The following GRIN2A variants were observed in gnomAD, a reference collection of about 807,000 sequenced individuals.
GRIN2A encodes the protein glutamate receptor ionotropic, NMDA 2A.
Under a neutral mutation model 113.4 loss-of-function variants are expected in GRIN2A, and 22 were observed. That is an observed-to-expected ratio of 0.19 (90% CI 0.14 to 0.28). The LOEUF is 0.28. Among genes scored for constraint, GRIN2A ranks in the 10% least tolerant of loss-of-function variants. The pLI is 1.00. For missense variants in GRIN2A, 1,502 were observed against 1,887.0 expected (o/e 0.80, Z 3.78); for synonymous variants, 827 against 738.4 (o/e 1.12, Z -1.94).
intron 3 of GRIN2A, among the ~76,000 whole-genome samples, chr16:9,892,933 G>GAAAAAA (rs57666918): frequency 2.1e-5 from 2 of 96,546 alleles, no homozygotes; most frequent in Non-Finnish European, 4.5e-5. Flanking sequence ...GCTAAAAAGT[G>GAAAAAA]AAAAAAAAAA....
chr16:10,132,258 G>A (rs968904366), intron 2 of GRIN2A, among the ~76,000 whole-genome samples: 2 of 150,088 alleles, frequency 1.3e-5, no homozygotes, highest in African/African-American at 4.9e-5. Context: ...CTTGAACCCG[G>A]GAGGCAGAGG....
At position 10,068,048 on chromosome 16, in the gene GRIN2A, T is replaced by A. The variant is rs28493491; in HGVS notation, c.414+111950A>T. On this transcript the variant is annotated intron_variant, in intron 2 of 12. Coordinates refer to ENST00000330684, the MANE Select transcript of GRIN2A (RefSeq NM_001134407.3). Reference sequence around the variant, plus strand: ...AAAGCCATCTGTGGGATAGATGAGATGAGATGGCAGATGTGCAATGCACAT... The same window carrying A: ...AAAGCCATCTGTGGGATAGATGAGAAGAGATGGCAGATGTGCAATGCACAT... 4.2e-3 allele frequency among the ~76,000 whole-genome samples: 644 copies of A among 152,324 alleles called. 5 individuals are homozygous for A. Among genetic ancestry groups the A allele is most frequent in the African/African-American group, 0.014 (591 of 41,572 alleles).
At chr16:10,144,863 G>A (rs1015602584) in intron 2 of GRIN2A, among the ~76,000 whole-genome samples, 1 of 144,720 alleles carries the variant, frequency 6.9e-6, no homozygotes, top group Non-Finnish European at 1.5e-5. Context: ...GGAGACTGCA[G>A]TGAGCTGAGA....
At chr16:9,884,486 T>G (rs1313758616) in intron 4 of GRIN2A, among the ~76,000 whole-genome samples, 1 of 151,894 alleles carries the variant, frequency 6.6e-6, no homozygotes, top group East Asian at 1.9e-4. Flanking sequence ...GAGGCAGAGG[T>G]TGCAGTGAGC....
intron 3 of GRIN2A, among the ~76,000 whole-genome samples, chr16:9,898,805 T>G (rs1179930788): frequency 6.6e-6 from 1 of 151,944 alleles, no homozygotes; most frequent in Non-Finnish European, 1.5e-5. Flanking sequence ...TTTTTTGTTT[T>G]TTTTTTTTCT....
chr16:10,006,666 G>A (rs750565795), intron 2 of GRIN2A, among the ~76,000 whole-genome samples: 5 of 151,780 alleles, frequency 3.3e-5, no homozygotes, highest in East Asian at 1.9e-4. Context: ...TAAAATGTAC[G>A]ACAAATTATT....
intron 3 of GRIN2A, among the ~76,000 whole-genome samples, chr16:9,922,312 T>TAA (rs879272888): frequency 2.8e-5 from 4 of 143,574 alleles, no homozygotes; most frequent in African/African-American, 1.0e-4. Context: ...TCTGCAGATT[T>TAA]AAAAAAAAAA....
intron 3 of GRIN2A, among the ~76,000 whole-genome samples, chr16:9,931,937 T>C (rs895063711): frequency 1.3e-5 from 2 of 152,228 alleles, no homozygotes; most frequent in Non-Finnish European, 2.9e-5. Context: ...CACCTGGGTC[T>C]ATATGCTTGA....
chr16:10,059,776 A>G (rs1385638353), intron 2 of GRIN2A, among the ~76,000 whole-genome samples: 11 of 152,014 alleles, frequency 7.2e-5, no homozygotes, highest in Non-Finnish European at 1.5e-4. Context: ...GGTAAGAGGT[A>G]AGTGAAGAGA....
intron 8 of GRIN2A, among the ~76,000 whole-genome samples, chr16:9,833,490 A>G (rs1371671433): frequency 6.6e-6 from 1 of 152,182 alleles, no homozygotes; most frequent in East Asian, 1.9e-4. Context: ...AGCATTTGAC[A>G]AGCATTTTTT....
intron 10 of GRIN2A, among the ~76,000 whole-genome samples, chr16:9,799,860 C>A (rs79926621): frequency 0.017 from 2,641 of 152,154 alleles, 81 homozygotes; most frequent in African/African-American, 0.06. Context: ...CTTGAAATCA[C>A]CATGCAGTTC....
chr16:10,117,487 T>G (rs181591645), intron 2 of GRIN2A, among the ~76,000 whole-genome samples: 1 of 151,102 alleles, frequency 6.6e-6, no homozygotes, highest in African/African-American at 2.4e-5. Context: ...TACCTCTATT[T>G]TCATGCATTT....
intron 2 of GRIN2A, among the ~76,000 whole-genome samples, chr16:9,965,029 A>C (rs996747376): frequency 6.6e-6 from 1 of 152,082 alleles, no homozygotes; most frequent in African/African-American, 2.4e-5. Flanking sequence ...TGGACCAATA[A>C]GCATGCAAAT....
At chr16:9,891,170 C>T (rs1253655306) in intron 3 of GRIN2A, 70 bp from the exon 4 acceptor site, 6 of 872,028 alleles carry the variant, frequency 6.9e-6, no homozygotes, top group African/African-American at 4.9e-5. Context: ...TAAGTGGATG[C>T]CACCATTAAT....
chr16:9,979,628 T>C (rs1046392857), intron 2 of GRIN2A, among the ~76,000 whole-genome samples: 2 of 152,080 alleles, frequency 1.3e-5, no homozygotes, highest in Non-Finnish European at 1.5e-5. Flanking sequence ...TGTGTATTGA[T>C]GTCTCCCTAT....
intron 4 of GRIN2A, among the ~76,000 whole-genome samples, chr16:9,879,002 G>C (rs561411698): frequency 6.6e-6 from 1 of 152,246 alleles, no homozygotes; most frequent in East Asian, 1.9e-4. Context: ...TACTGTGTGA[G>C]TATTTAAAAT....
At chr16:9,962,202 T>G (rs923168815) in intron 2 of GRIN2A, among the ~76,000 whole-genome samples, 5 of 152,044 alleles carry the variant, frequency 3.3e-5, no homozygotes, top group South Asian at 2.1e-4. Flanking sequence ...ATAGGCATGG[T>G]CAAGGACTTC....
At chr16:10,056,596 T>A (rs1354786170) in intron 2 of GRIN2A, among the ~76,000 whole-genome samples, 1 of 152,154 alleles carries the variant, frequency 6.6e-6, no homozygotes, top group Non-Finnish European at 1.5e-5. Context: ...ATCAACTAAA[T>A]TAATATGAGG....
chr16:10,129,689 A>G (rs1596536395), intron 2 of GRIN2A, among the ~76,000 whole-genome samples: 1 of 152,244 alleles, frequency 6.6e-6, no homozygotes, highest in East Asian at 1.9e-4. Flanking sequence ...GCAGGAGATT[A>G]TGGTGCTCCT....
Sources: gnomAD v4.1 joint callset for allele counts (sites outside exome capture counted in the v4.1 genomes callset) on GRCh38, gnomAD v4.1.1 for gene constraint, MANE v1.5 for transcripts, NCBI Gene and HGNC (gene_info 2026-07-23, HGNC 2026-07-21) for gene names.